SPATA13: variants seen among roughly 807,000 people sequenced by gnomAD.
SPATA13 encodes the protein spermatogenesis-associated protein 13.
SPATA13 carries 50 observed loss-of-function variants against 104.0 expected under a neutral mutation model. That is an observed-to-expected ratio of 0.48 (90% CI 0.38 to 0.61). The LOEUF (loss-of-function observed/expected upper bound fraction) is 0.61, where lower values mean the gene tolerates loss of function less well. SPATA13 is among the 20% of genes least tolerant of loss of function. The pLI is 0.00. For missense variants in SPATA13, 1,524 were observed against 1,690.6 expected (o/e 0.90, Z 1.73); for synonymous variants, 606 against 667.5 (o/e 0.91, Z 1.42).
At chr13:24,126,970 G>A (rs149608397) in intron 3 of SPATA13, among the ~76,000 whole-genome samples, 304 of 152,294 alleles carry the variant, frequency 2.0e-3, no homozygotes, top group Non-Finnish European at 3.5e-3. Context: ...ACAAAAATGG[G>A]TTTAAATCCT....
At chr13:24,237,988 TATAA>T (rs1872653512) in intron 2 of SPATA13, among the ~76,000 whole-genome samples, 2 of 86,728 alleles carry the variant, frequency 2.3e-5, no homozygotes, top group South Asian at 3.6e-4. Context: ...TATAAACATG[TATAA>T]TATATATATA....
At chr13:23,983,805 A>G (rs971041406) in exon 2 of SPATA13, 1 of 884,336 alleles carries the variant, frequency 1.1e-6, no homozygotes, top group Non-Finnish European at 1.4e-6. Flanking sequence ...GTCTATCTGC[A>G]TTTTTTGAGC....
At chr13:24,177,338 C>T (rs369124141) in intron 1 of SPATA13, among the ~76,000 whole-genome samples, 9 of 152,324 alleles carry the variant, frequency 5.9e-5, no homozygotes, top group South Asian at 2.1e-4. Flanking sequence ...TTATTTCTTA[C>T]AGCTCTGGAG....
chr13:24,270,545 T>C, intron 4 of SPATA13: 1 of 431,818 alleles, frequency 2.3e-6, no homozygotes, highest in Non-Finnish European at 4.2e-6. Flanking sequence ...CTGAAGGCTC[T>C]CGGCAGCACC....
At chr13:24,094,660 G>A (rs1669624927) in intron 3 of SPATA13, among the ~76,000 whole-genome samples, 1 of 152,184 alleles carries the variant, frequency 6.6e-6, no homozygotes, top group African/African-American at 2.4e-5. Context: ...TGGGGAGGCT[G>A]AGGCAGGAAG....
chr13:24,195,368 GTTCGT>G (rs1457453327), intron 1 of SPATA13, among the ~76,000 whole-genome samples: 1 of 152,128 alleles, frequency 6.6e-6, no homozygotes, highest in African/African-American at 2.4e-5. Context: ...TGGGTATTTG[GTTCGT>G]TTCCCCCTTT....
intron 11 of SPATA13, among the ~76,000 whole-genome samples, chr13:24,300,017 G>T (rs553867229): frequency 6.6e-6 from 1 of 152,164 alleles, no homozygotes; most frequent in African/African-American, 2.4e-5. Context: ...CTCTCATAGC[G>T]TATGGGTGAA....
chr13:24,087,865 A>C (rs189923684), intron 3 of SPATA13, among the ~76,000 whole-genome samples: 2 of 152,274 alleles, frequency 1.3e-5, no homozygotes, highest in South Asian at 2.1e-4. Context: ...AGGACCCAAG[A>C]GGGCTGGTGA....
chr13:24,160,647 G>A, upstream of SPATA13: 1 of 909,728 alleles, frequency 1.1e-6, no homozygotes, highest in Non-Finnish European at 1.3e-6. Context: ...GGCGTGGCCT[G>A]ATATGGGGCG....
intron 3 of SPATA13, among the ~76,000 whole-genome samples, chr13:24,136,214 G>A (rs1420056158): frequency 2.6e-5 from 4 of 152,190 alleles, no homozygotes; most frequent in Non-Finnish European, 4.4e-5. Context: ...GCTTATGCCT[G>A]TAATCCTAGC....
chr13:24,235,797 G>T (rs1390144664), intron 2 of SPATA13, among the ~76,000 whole-genome samples: 1 of 152,198 alleles, frequency 6.6e-6, no homozygotes, highest in Non-Finnish European at 1.5e-5. Context: ...GTTGAGCAGT[G>T]TAAGTCTAGC....
intron 3 of SPATA13, among the ~76,000 whole-genome samples, chr13:24,027,890 CTT>C (rs1251633137): frequency 2.0e-5 from 3 of 152,190 alleles, no homozygotes; most frequent in Admixed American, 2.0e-4. Flanking sequence ...CCTTTATGCT[CTT>C]TACTCTTCCT....
At chr13:24,198,225 C>T (rs374137381) in intron 1 of SPATA13, among the ~76,000 whole-genome samples, 1 of 152,028 alleles carries the variant, frequency 6.6e-6, no homozygotes, top group East Asian at 1.9e-4. Context: ...GAACTCCTGA[C>T]CTTGTGATCT....
chr13:23,994,998 G>T (rs559383360), intron 2 of SPATA13, among the ~76,000 whole-genome samples: 1 of 152,296 alleles, frequency 6.6e-6, no homozygotes, highest in South Asian at 2.1e-4. Context: ...AGATGGTTTT[G>T]AGTGTCGTGA....
At chr13:24,035,405 G>A (rs974311002) in intron 3 of SPATA13, among the ~76,000 whole-genome samples, 1 of 152,100 alleles carries the variant, frequency 6.6e-6, no homozygotes, top group African/African-American at 2.4e-5. Context: ...CTGCTGTCTC[G>A]GCCACCCGAA....
chr13:24,054,786 T>A (rs559214886), intron 3 of SPATA13, among the ~76,000 whole-genome samples: 2 of 152,312 alleles, frequency 1.3e-5, no homozygotes, highest in Admixed American at 1.3e-4. Context: ...GTATATAAAA[T>A]GGAGAATATT....
At chr13:23,990,141 G>A (rs559977891) in intron 2 of SPATA13, among the ~76,000 whole-genome samples, 1 of 152,240 alleles carries the variant, frequency 6.6e-6, no homozygotes, top group African/African-American at 2.4e-5. Flanking sequence ...CCATCTTGTT[G>A]AGATGCCACC....
chr13:24,005,889 T>C (rs879556166), intron 2 of SPATA13, among the ~76,000 whole-genome samples: 1 of 152,204 alleles, frequency 6.6e-6, no homozygotes, highest in Non-Finnish European at 1.5e-5. Context: ...AATAAAGACA[T>C]CCACCCCCTT....
chr13:24,196,095 C>A (rs1441484271), intron 1 of SPATA13, among the ~76,000 whole-genome samples: 1 of 152,052 alleles, frequency 6.6e-6, no homozygotes, highest in African/African-American at 2.4e-5. Context: ...AACATGGCAG[C>A]AATTAACTTA....
Sources: allele counts gnomAD v4.1 joint callset (sites outside exome capture counted in the v4.1 genomes callset), GRCh38; gene constraint gnomAD v4.1.1; transcripts MANE v1.5; gene names NCBI Gene and HGNC (gene_info 2026-07-23, HGNC 2026-07-21).